The following BCAR3 variants were observed in gnomAD, a reference collection of about 807,000 sequenced individuals.
BCAR3 encodes the protein breast cancer anti-estrogen resistance protein 3.
Under a neutral mutation model 80.1 loss-of-function variants are expected in BCAR3, and 37 were observed. That is an observed-to-expected ratio of 0.46 (90% CI 0.36 to 0.61). The LOEUF (loss-of-function observed/expected upper bound fraction) is 0.61. Ranked by LOEUF, BCAR3 falls within the 20% of genes least tolerant of loss-of-function variation. BCAR3 has a pLI of 0.00. For synonymous variants in BCAR3, 389 were observed against 418.9 expected (o/e 0.93, Z 0.87); for missense variants, 978 against 1,068.2 (o/e 0.92, Z 1.18).
At chr1:93,669,487 C>T (rs1476695497) in intron 2 of BCAR3, among the ~76,000 whole-genome samples, 2 of 152,208 alleles carry the variant, frequency 1.3e-5, no homozygotes, top group Admixed American at 6.5e-5. Context: ...TCAGTTAAAA[C>T]ACTTGTGACG....
At chr1:93,770,362 G>A (rs1285954124) in intron 2 of BCAR3, among the ~76,000 whole-genome samples, 1 of 152,096 alleles carries the variant, frequency 6.6e-6, no homozygotes, top group Non-Finnish European at 1.5e-5. Context: ...CCTCTGCTCT[G>A]ATCCTGGCCT....
At chr1:93,844,260 T>C (rs774207843) in intron 2 of BCAR3, among the ~76,000 whole-genome samples, 16 of 152,262 alleles carry the variant, frequency 1.1e-4, no homozygotes, top group Non-Finnish European at 2.1e-4. Context: ...TGAGCCAAGA[T>C]CATGCCATTG....
intron 8 of BCAR3, among the ~76,000 whole-genome samples, chr1:93,573,626 TATTATTA>T (rs1365677021): frequency 3.5e-5 from 5 of 142,530 alleles, no homozygotes; most frequent in African/African-American, 1.4e-4. Context: ...TTATTATTAT[TATTATTA>T]TTTTTTTTTT....
At chr1:93,693,671 T>C (rs958980195) in intron 3 of BCAR3, among the ~76,000 whole-genome samples, 1 of 152,214 alleles carries the variant, frequency 6.6e-6, no homozygotes, top group African/African-American at 2.4e-5. Context: ...AAACACTTTA[T>C]ACAAAAATAA....
chr1:93,680,758 C>A (rs1225183909), intron 1 of BCAR3, among the ~76,000 whole-genome samples: 1 of 152,232 alleles, frequency 6.6e-6, no homozygotes, highest in Non-Finnish European at 1.5e-5. Context: ...TTAACCCCAA[C>A]CATGACCCGA....
intron 3 of BCAR3, among the ~76,000 whole-genome samples, chr1:93,688,016 T>C (rs545491658): frequency 6.6e-6 from 1 of 152,326 alleles, no homozygotes; most frequent in South Asian, 2.1e-4. Flanking sequence ...CTGGCAACAC[T>C]GATATGGACC....
chr1:93,715,810 C>T (rs964504467), intron 2 of BCAR3, among the ~76,000 whole-genome samples: 3 of 152,200 alleles, frequency 2.0e-5, no homozygotes, highest in Admixed American at 1.3e-4. Flanking sequence ...CTTCCTCTCC[C>T]CAGCTAACCG....
At chr1:93,672,896 T>C (rs569779941) in intron 2 of BCAR3, among the ~76,000 whole-genome samples, 2 of 152,326 alleles carry the variant, frequency 1.3e-5, no homozygotes, top group African/African-American at 2.4e-5. Flanking sequence ...CTTGTTCGCC[T>C]AGCTTTGCAC....
intron 3 of BCAR3, 60 bp downstream of exon 3, chr1:93,642,244 T>C: frequency 1.3e-6 from 2 of 1,556,372 alleles, no homozygotes; most frequent in Non-Finnish European, 8.9e-7. Flanking sequence ...CAACTCTGTG[T>C]TCCAAATGGG....
intron 2 of BCAR3, among the ~76,000 whole-genome samples, chr1:93,797,024 T>C (rs1653300544): frequency 6.6e-6 from 1 of 152,200 alleles, no homozygotes; most frequent in Non-Finnish European, 1.5e-5. Context: ...CTGGTAGCAA[T>C]TTTCCAGGAA....
chr1:93,587,924 C>T (rs543002910), intron 5 of BCAR3, among the ~76,000 whole-genome samples: 100 of 152,204 alleles, frequency 6.6e-4, no homozygotes, highest in African/African-American at 2.3e-3. Flanking sequence ...AGGCCAACGT[C>T]GCTGACATTT....
chr1:93,664,468 C>A (rs561143518), intron 2 of BCAR3, among the ~76,000 whole-genome samples: 26 of 152,298 alleles, frequency 1.7e-4, no homozygotes, highest in African/African-American at 6.3e-4. Flanking sequence ...GAAAACATTG[C>A]AATGCCTGAT....
At chr1:93,615,104 C>T (rs1056388120) in intron 3 of BCAR3, among the ~76,000 whole-genome samples, 5 of 151,340 alleles carry the variant, frequency 3.3e-5, no homozygotes, top group African/African-American at 1.2e-4. Context: ...TGGCTTCGGC[C>T]TCAAATATGG....
intron 2 of BCAR3, among the ~76,000 whole-genome samples, chr1:93,826,271 C>T (rs1571153773): frequency 2.6e-5 from 4 of 152,152 alleles, no homozygotes; most frequent in South Asian, 2.1e-4. Flanking sequence ...ACCAGGCCCA[C>T]CACCTCCTGT....
At chr1:93,779,001 T>G (rs1234025039) in intron 2 of BCAR3, among the ~76,000 whole-genome samples, 1 of 152,192 alleles carries the variant, frequency 6.6e-6, no homozygotes, top group Non-Finnish European at 1.5e-5. Context: ...TCTCAGGTTC[T>G]GATATCTTGG....
At chr1:93,670,688 A>G (rs1039710253) in intron 2 of BCAR3, among the ~76,000 whole-genome samples, 1 of 152,228 alleles carries the variant, frequency 6.6e-6, no homozygotes, top group African/African-American at 2.4e-5. Context: ...CAATGTTCAT[A>G]ATGAAATCTG....
At chr1:93,845,264 G>A (rs1655108133) in intron 2 of BCAR3, among the ~76,000 whole-genome samples, 2 of 151,498 alleles carry the variant, frequency 1.3e-5, no homozygotes, top group Admixed American at 6.6e-5. Context: ...CTCCCATTTC[G>A]GCTGTGAGCA....
intron 2 of BCAR3, among the ~76,000 whole-genome samples, chr1:93,713,826 C>A (rs1650106232): frequency 2.0e-5 from 3 of 152,100 alleles, no homozygotes; most frequent in African/African-American, 4.8e-5. Context: ...TAATAAATTT[C>A]TATTTGAAAA....
chr1:93,588,861 C>T lies in BCAR3; in HGVS notation c.929+116G>A, dbSNP rs995086916. ...TCGTGACAGCTATTCTGCGAACAGT[C>T]GGCATTCCTATTAACATCTTTTATT... is the stretch of plus-strand genomic sequence containing the variant. On this transcript the variant is annotated intron_variant, in intron 5 of 11. Coordinates refer to ENST00000260502, the MANE Select transcript of BCAR3 (RefSeq NM_003567.4). The T allele has an allele frequency of 5.8e-5, 67 of 1,156,984 alleles. No individual in the cohort carries two copies. In the African/African-American group the frequency reaches 7.8e-4, roughly 13 times the overall value. The allele number at this position is 1,156,984 out of a possible 1,614,324, so 71.7% of individuals were successfully genotyped here. A position where few individuals can be genotyped will look rare whatever the true frequency, so the allele number is the denominator to read the frequency against.
Sources: gnomAD v4.1 joint callset for allele counts (sites outside exome capture counted in the v4.1 genomes callset) on GRCh38, gnomAD v4.1.1 for gene constraint, MANE v1.5 for transcripts, NCBI Gene and HGNC (gene_info 2026-07-23, HGNC 2026-07-21) for gene names.